The following CHUK variants were observed in gnomAD, a reference collection of about 807,000 sequenced individuals.
CHUK encodes the protein inhibitor of nuclear factor kappa-B kinase subunit alpha.
CHUK carries 35 observed loss-of-function variants against 104.8 expected under a neutral mutation model. The observed-to-expected ratio is 0.33, with a 90% CI of 0.26 to 0.44. The LOEUF (loss-of-function observed/expected upper bound fraction) is 0.44, where lower values mean the gene tolerates loss of function less well. Among genes scored for constraint, CHUK ranks in the 20% least tolerant of loss-of-function variants. The probability of loss-of-function intolerance (pLI) is 1.00; values close to 1 mark genes in which losing one functional copy is unlikely to be tolerated. For missense variants in CHUK, 663 were observed against 902.7 expected (o/e 0.73, Z 3.40); for synonymous variants, 276 against 291.9 (o/e 0.95, Z 0.56).
Position 100,219,073 on chromosome 10 carries a change from C to G in CHUK, c.624G>C (p.Gly208=). The part of the protein sequence containing the change: ...YTATVDYWSF[G]TMVFECIAGY... ...CAGCAATACATTCAAATACCATGGTCCCAAAGCTCCAATAATCAACAGTGG... is the reference window on the plus strand; with the variant it reads ...CAGCAATACATTCAAATACCATGGTGCCAAAGCTCCAATAATCAACAGTGG... Residue 208 remains glycine, a synonymous_variant, in exon 7 of 21, where the codon GGG becomes GGC. Coordinates refer to ENST00000370397, the MANE Select transcript of CHUK (RefSeq NM_001278.5). The G allele has an allele frequency of 6.2e-7, 1 of 1,613,730 alleles. No individual in the cohort carries two copies. The highest frequency in any genetic ancestry group is 1.1e-5 in the South Asian group (1 of 91,066).
In CHUK at chr10:100,220,678, TA is replaced by T; in HGVS notation, c.386-3del. 6.3e-7 allele frequency: 1 copy of T among 1,587,448 alleles called. No individual in the cohort carries two copies. On this transcript the variant is annotated splice_polypyrimidine_tract_variant and splice_region_variant and intron_variant, in intron 4 of 20. Coordinates refer to ENST00000370397, the MANE Select transcript of CHUK (RefSeq NM_001278.5). ...CATGCAAATATCGAATCCCAGACCC[TA>T]AATAAAGTTTAAAATATACTTTAAA...
At chr10:100,207,205 C>A in intron 11 of CHUK, 25 bp downstream of exon 11, 1 of 1,009,124 alleles carries the variant, frequency 9.9e-7, no homozygotes, top group Non-Finnish European at 1.6e-6. Flanking sequence ...GTTTAAAGCT[C>A]AGCCACTAAA....
chr10:100,211,307 T>C (rs991964389), intron 9 of CHUK, among the ~76,000 whole-genome samples: 1 of 152,244 alleles, frequency 6.6e-6, no homozygotes, highest in African/African-American at 2.4e-5. Flanking sequence ...ATTTGACATA[T>C]AAAAATGTTA....
chr10:100,211,783 G>T (rs1227331065), intron 9 of CHUK, among the ~76,000 whole-genome samples: 2 of 152,098 alleles, frequency 1.3e-5, no homozygotes, highest in African/African-American at 2.4e-5. Context: ...GAATAATGCT[G>T]CAATGAACAT....
At chr10:100,201,206 G>C (rs528631916) in intron 14 of CHUK, among the ~76,000 whole-genome samples, 1 of 152,028 alleles carries the variant, frequency 6.6e-6, no homozygotes, top group Non-Finnish European at 1.5e-5. Context: ...TCCCACCCCA[G>C]GACACCATGG....
At chr10:100,198,597 T>C (rs1245515923) in intron 16 of CHUK, among the ~76,000 whole-genome samples, 1 of 152,224 alleles carries the variant, frequency 6.6e-6, no homozygotes, top group African/African-American at 2.4e-5. Context: ...GGTTCTAACC[T>C]CACAGACTCT....
rs17878869 is a variant in CHUK, at chr10:100,223,080, G to A, written c.201-100C>T. ...AATTGTGGGTGGATGAACAGAGGGG[G>A]AAAGATCAGTATTATTTATAATATT... On this transcript the variant is annotated intron_variant, in intron 2 of 20. Transcript: ENST00000370397. 2,531 of 668,016 alleles carry A rather than the reference G, an allele frequency of 3.8e-3. 55 individuals are homozygous for A. In the African/African-American group the frequency reaches 0.04, roughly 11 times the overall value. 41.4% of individuals were successfully genotyped at this position (668,016 alleles called of 1,614,324 possible). A position where few individuals can be genotyped will look rare whatever the true frequency, so the allele number is the denominator to read the frequency against.
intron 11 of CHUK, among the ~76,000 whole-genome samples, chr10:100,206,855 C>G: frequency 6.6e-6 from 1 of 152,110 alleles, no homozygotes; most frequent in African/African-American, 2.4e-5. Flanking sequence ...ATAATTTTCA[C>G]AGGATAAATT....
chr10:100,204,967 CCAGTATGT>C (rs1347558828), intron 12 of CHUK, 101 bp downstream of exon 12: 1 of 1,276,610 alleles, frequency 7.8e-7, no homozygotes, highest in Non-Finnish European at 1.1e-6. Context: ...TCAAATTGGC[CCAGTATGT>C]TACTATTACA....
intron 5 of CHUK, 118 bp from the exon 6 acceptor site, chr10:100,219,477 AAC>A: frequency 1.5e-6 from 1 of 672,560 alleles, no homozygotes; most frequent in Non-Finnish European, 2.7e-6. Flanking sequence ...GCTCTGTAAT[AAC>A]ACAAAAATAT....
intron 18 of CHUK, 88 bp downstream of exon 18, chr10:100,193,896 G>T: frequency 8.4e-7 from 1 of 1,190,308 alleles, no homozygotes; most frequent in Non-Finnish European, 1.2e-6. Flanking sequence ...GTCTTCAAGA[G>T]GGCCCACCTC....
chr10:100,210,216 T>C (rs1442784195), intron 9 of CHUK, among the ~76,000 whole-genome samples: 1 of 149,244 alleles, frequency 6.7e-6, no homozygotes, highest in Non-Finnish European at 1.5e-5. Flanking sequence ...GCCTCCCAAG[T>C]AGCTGGGACT....
chr10:100,210,104 T>C (rs1589589401), intron 9 of CHUK, among the ~76,000 whole-genome samples: 1 of 148,704 alleles, frequency 6.7e-6, no homozygotes, highest in Non-Finnish European at 1.5e-5. Context: ...TTTTTTTTTT[T>C]TGAGACGGAG....
At chr10:100,219,433 G>T in intron 5 of CHUK, 74 bp from the exon 6 acceptor site, 1 of 878,846 alleles carries the variant, frequency 1.1e-6, no homozygotes. Context: ...ATATCCTTAC[G>T]AGGCTGTAGA....
chr10:100,227,112 T>C (rs1846123147), intron 1 of CHUK, among the ~76,000 whole-genome samples: 3 of 152,234 alleles, frequency 2.0e-5, no homozygotes, highest in African/African-American at 7.2e-5. Context: ...CACTGAGCCC[T>C]GAATGCTCAT....
In CHUK at chr10:100,189,229, C is replaced by T. The variant is rs17880709; in HGVS notation, c.*369G>A. 481 of 184,712 alleles carry T rather than the reference C, an allele frequency of 2.6e-3. 3 individuals carry two copies. The highest frequency in any genetic ancestry group is 0.011 in the African/African-American group (449 of 42,680). 11.4% of individuals were successfully genotyped at this position (184,712 alleles called of 1,614,324 possible). A position where few individuals can be genotyped will look rare whatever the true frequency, so the allele number is the denominator to read the frequency against. ...GTATACAAAACTACATTTGGTCTTA[C>T]GCCCAAAAGTTAAAAGTTGACACTA... On this transcript the variant is annotated 3_prime_UTR_variant, in exon 21 of 21. Coordinates refer to ENST00000370397, the MANE Select transcript of CHUK (RefSeq NM_001278.5).
In CHUK at chr10:100,219,041, C is replaced by T; in HGVS notation, c.656G>A (p.Arg219Lys). The change falls in exon 7 of 21, where the codon AGG becomes AAG. Residue 219 changes from arginine to lysine, a missense_variant. Physicochemically the swap from Arg to Lys is conservative, Grantham distance 26. Transcript: ENST00000370397. ...TGGCTGCAGATGATGCAAAAAAGGC[C>T]TATATCCAGCAATACATTCAAATAC... Reference protein sequence around the residue: ...TMVFECIAGYRPFLHHLQPFT... With the variant: ...TMVFECIAGYKPFLHHLQPFT... The T allele has an allele frequency of 6.2e-7, 1 of 1,613,974 alleles. No individual in the cohort carries two copies. Among genetic ancestry groups the T allele is most frequent in the Non-Finnish European group, 8.5e-7 (1 of 1,179,880 alleles).
chr10:100,192,023 C>G (rs1160889477), intron 19 of CHUK, among the ~76,000 whole-genome samples: 2 of 152,156 alleles, frequency 1.3e-5, no homozygotes, highest in Non-Finnish European at 2.9e-5. Context: ...GAAGCTGAAG[C>G]AGGAGAACTG....
chr10:100,204,980 A>C, intron 12 of CHUK, 96 bp downstream of exon 12: 1 of 1,392,328 alleles, frequency 7.2e-7, no homozygotes, highest in South Asian at 1.2e-5. Flanking sequence ...GTATGTTACT[A>C]TTACATGCAA....
Sources: allele counts gnomAD v4.1 joint callset (sites outside exome capture counted in the v4.1 genomes callset), GRCh38; gene constraint gnomAD v4.1.1; transcripts MANE v1.5; gene names NCBI Gene and HGNC (gene_info 2026-07-23, HGNC 2026-07-21).